The following ELMOD3 variants were observed in gnomAD, a reference collection of about 807,000 sequenced individuals.
The protein encoded by ELMOD3 is ELMO domain containing 3.
ELMOD3 carries 36 observed loss-of-function variants against 47.4 expected under a neutral mutation model. The ratio of observed to expected loss-of-function variants is 0.76; its 90% CI spans 0.58 to 1.00. The LOEUF (loss-of-function observed/expected upper bound fraction) is 1.00. Among genes scored for constraint, ELMOD3 ranks in the 50% least tolerant of loss-of-function variants. ELMOD3 has a pLI of 0.00. For synonymous variants in ELMOD3, 149 were observed against 183.5 expected (o/e 0.81, Z 1.52); for missense variants, 404 against 463.8 (o/e 0.87, Z 1.18).
chr2:85,358,626 C>T (rs926165830), intron 4 of ELMOD3, among the ~76,000 whole-genome samples: 1 of 151,920 alleles, frequency 6.6e-6, no homozygotes. Context: ...TTTTGGCCTC[C>T]ATCCTTGCAT....
chr2:85,378,362 G>A (rs922353175), intron 11 of ELMOD3, among the ~76,000 whole-genome samples: 3 of 152,202 alleles, frequency 2.0e-5, no homozygotes, highest in South Asian at 2.1e-4. Flanking sequence ...ACACATGCCC[G>A]TGACACAGCC....
intron 4 of ELMOD3, among the ~76,000 whole-genome samples, chr2:85,360,101 A>T (rs566909092): frequency 2.4e-3 from 370 of 152,062 alleles, no homozygotes; most frequent in African/African-American, 8.2e-3. Flanking sequence ...CTCTACTAAA[A>T]ATACTCTACT....
chr2:85,357,275 GA>G, intron 4 of ELMOD3, 23 bp downstream of exon 4: 2 of 1,524,858 alleles, frequency 1.3e-6, no homozygotes, highest in Non-Finnish European at 1.8e-6. Context: ...TCTTATTTGG[GA>G]AAGGTGGTGT....
At chr2:85,357,579 G>C (rs1683651059) in intron 4 of ELMOD3, 1 of 197,760 alleles carries the variant, frequency 5.1e-6, no homozygotes, top group African/African-American at 2.4e-5. Flanking sequence ...GCTTTGGCCT[G>C]ATCATCCTCA....
intron 6 of ELMOD3, among the ~76,000 whole-genome samples, chr2:85,364,825 A>ATATATATATATATATATATTTTTT (rs375582916): frequency 2.9e-5 from 2 of 69,892 alleles, no homozygotes; most frequent in African/African-American, 1.3e-4. Context: ...ATATATATAT[A>ATATATATATATATATATATTTTTT]TTTTTTTTTT....
chr2:85,368,056 G>A (rs1043334517), intron 6 of ELMOD3, among the ~76,000 whole-genome samples: 2 of 152,130 alleles, frequency 1.3e-5, no homozygotes, highest in East Asian at 1.9e-4. Flanking sequence ...GACTACAGGC[G>A]CCTGCCACCA....
At chr2:85,389,290 G>C (rs915570558) in intron 11 of ELMOD3, among the ~76,000 whole-genome samples, 3 of 152,186 alleles carry the variant, frequency 2.0e-5, no homozygotes, top group Admixed American at 2.0e-4. Context: ...AGGTGCTCAC[G>C]ATCAGCCAGA....
At chr2:85,369,705 T>G (rs1235090741) in intron 7 of ELMOD3, 34 bp from the exon 8 acceptor site, 58 of 1,609,262 alleles carry the variant, frequency 3.6e-5, no homozygotes, top group Non-Finnish European at 4.8e-5. Context: ...GAATGACTCC[T>G]ATAAATCCTG....
intron 11 of ELMOD3, among the ~76,000 whole-genome samples, chr2:85,377,738 T>C (rs1192865072): frequency 6.6e-6 from 1 of 152,230 alleles, no homozygotes. Flanking sequence ...CGTAAAGAAA[T>C]AGCACTTGAA....
intron 11 of ELMOD3, among the ~76,000 whole-genome samples, chr2:85,384,225 C>T (rs917661296): frequency 2.0e-5 from 3 of 152,222 alleles, no homozygotes; most frequent in African/African-American, 7.2e-5. Context: ...TTGACATTTC[C>T]CTTTAGCTTA....
intron 6 of ELMOD3, among the ~76,000 whole-genome samples, chr2:85,368,111 T>C (rs1487456847): frequency 6.6e-6 from 1 of 152,052 alleles, no homozygotes; most frequent in Non-Finnish European, 1.5e-5. Flanking sequence ...GGGGTTTCAC[T>C]GTGTTAGCCA....
In ELMOD3 at chr2:85,384,288, CTCAT is replaced by C. The variant is rs1169235269; in HGVS notation, c.739-5461_739-5458del. On this transcript the variant is annotated intron_variant, in intron 11 of 13. Coordinates refer to ENST00000409013, the MANE Select transcript of ELMOD3 (RefSeq NM_001135022.2). ...TTTTCACAATAGAAACTTCAGCTGG[CTCAT>C]TGGGAAAATTAGAGACAATGTACAA... 2.8e-3 allele frequency among the ~76,000 whole-genome samples: 433 copies of C among 152,354 alleles called. 1 individual carries two copies. The highest frequency in any genetic ancestry group is 9.7e-3 in the African/African-American group (403 of 41,586).
intron 5 of ELMOD3, 81 bp downstream of exon 5, chr2:85,362,341 G>A (rs1217724755): frequency 2.8e-5 from 25 of 901,344 alleles, no homozygotes; most frequent in Admixed American, 1.9e-4. Context: ...TGTGGTAGAC[G>A]CTGGGGACAC....
chr2:85,387,363 C>A, intron 11 of ELMOD3: 1 of 493,792 alleles, frequency 2.0e-6, no homozygotes, highest in Non-Finnish European at 2.7e-6. Flanking sequence ...TAAGTGTTGA[C>A]AAAATCTGTC....
chr2:85,387,130 T>G, intron 11 of ELMOD3: 29 of 1,301,116 alleles, frequency 2.2e-5, no homozygotes, highest in Non-Finnish European at 2.8e-5. Flanking sequence ...GATGATATTA[T>G]GCAAGTATAT....
Position 85,390,696 on chromosome 2 carries a change from C to T in ELMOD3, c.944-64C>T, listed in dbSNP as rs2104761713. The T allele has an allele frequency of 5.2e-6, 8 of 1,535,210 alleles. No homozygotes were observed. In the Admixed American group the frequency reaches 6.1e-5, roughly 12 times the overall value. ...CTCCCTAGAGCTGCTAGGCTTGAGG[C>T]CTTGACTGTTGTGTCACCCAGAGCC... On this transcript the variant is annotated intron_variant, in intron 13 of 13. Transcript: ENST00000409013.
Position 85,383,809 on chromosome 2 carries a change from AC to A in ELMOD3, c.739-5939del, listed in dbSNP as rs1685748268. 2.6e-5 allele frequency among the ~76,000 whole-genome samples: 4 copies of A among 152,262 alleles called. No homozygotes were observed. In the South Asian group the frequency reaches 8.3e-4, roughly 32 times the overall value. ...TCCCTCTGTGGTTACCAAAATGTGA[AC>A]CCTGAAAATCTGAGACAGGTCTCAG... On this transcript the variant is annotated intron_variant, in intron 11 of 13. Transcript: ENST00000409013.
In ELMOD3 at chr2:85,360,902, G is replaced by GT. The variant is rs1217848662; in HGVS notation, c.55-1277dup. ...GGCTTCTTTTCAATGGTGCCATATG[G>GT]TTTTTTTAGATACATGATACTTCTT... is the stretch of plus-strand genomic sequence containing the variant. On this transcript the variant is annotated intron_variant, in intron 4 of 13. Coordinates refer to ENST00000409013, the MANE Select transcript of ELMOD3 (RefSeq NM_001135022.2). 3.9e-5 allele frequency: 7 copies of GT among 179,614 alleles called. No individual in the cohort carries two copies. The East Asian group carries it at 7.9e-4, about 20-fold the overall frequency. The allele number at this position is 179,614 out of a possible 1,614,324, so 11.1% of individuals were successfully genotyped here.
intron 10 of ELMOD3, among the ~76,000 whole-genome samples, chr2:85,373,402 A>T (rs907568348): frequency 6.6e-6 from 1 of 152,000 alleles, no homozygotes; most frequent in Non-Finnish European, 1.5e-5. Flanking sequence ...TGAGAATCGC[A>T]CCAGTAATGT....
Sources: gnomAD v4.1 joint callset for allele counts (sites outside exome capture counted in the v4.1 genomes callset) on GRCh38, gnomAD v4.1.1 for gene constraint, MANE v1.5 for transcripts, NCBI Gene and HGNC (gene_info 2026-07-23, HGNC 2026-07-21) for gene names.